The following WDR4 variants were observed in gnomAD, a reference collection of about 807,000 sequenced individuals.
The protein encoded by WDR4 is WDR4 tRNA N7-guanosine methyltransferase non-catalytic subunit, also known as tRNA (guanine-N(7)-)-methyltransferase non-catalytic subunit WDR4.
A neutral mutation model predicts 48.6 loss-of-function variants in WDR4; 47 were observed. That is an observed-to-expected ratio of 0.97 (90% CI 0.77 to 1.23). WDR4 has a LOEUF of 1.23. Ranked by LOEUF, WDR4 falls within the 50% of genes most tolerant of loss-of-function variation. WDR4 has a pLI of 0.00. For synonymous variants in WDR4, 268 were observed against 230.0 expected (o/e 1.17, Z -1.49); for missense variants, 606 against 551.6 (o/e 1.10, Z -0.99).
the WDR4 span, among the ~76,000 whole-genome samples, chr21:42,885,629 T>C: frequency 6.6e-6 from 1 of 151,972 alleles, no homozygotes; most frequent in Admixed American, 6.6e-5. Context: ...TATAGATAGA[T>C]AGATATAAAT....
chr21:42,854,570 C>T lies in WDR4; in HGVS notation c.783G>A (p.Leu261=), dbSNP rs1341882007. Residue 261 remains leucine (L), a synonymous_variant, in exon 8 of 11, where the codon CTG becomes CTA. Transcript: ENST00000398208. ...FWCQENCVAL[L]CDGTPVVYIF... ...GTGCCGCCGCAGCTTACCCGTCGCA[C>T]AGGAGCGCCACGCAGTTCTCCTGGC... 3 of 1,613,620 alleles carry T rather than the reference C, an allele frequency of 1.9e-6. No individual in the cohort carries two copies. The highest frequency in any genetic ancestry group is 1.1e-5 in the South Asian group (1 of 90,988).
chr21:42,872,992 T>C (rs929285776), intron 3 of WDR4, among the ~76,000 whole-genome samples: 1 of 152,158 alleles, frequency 6.6e-6, no homozygotes, highest in Non-Finnish European at 1.5e-5. Flanking sequence ...CGGACTTTGC[T>C]AAGTAAGAGG....
At chr21:42,845,056 G>C (rs2057699011), downstream of WDR4, among the ~76,000 whole-genome samples, 1 of 152,204 alleles carries the variant, frequency 6.6e-6, no homozygotes, top group Non-Finnish European at 1.5e-5. Flanking sequence ...GGGTGCACTG[G>C]GCACGGAGAG....
the WDR4 span, among the ~76,000 whole-genome samples, chr21:42,889,171 C>T: frequency 1.3e-4 from 20 of 151,780 alleles, no homozygotes; most frequent in Admixed American, 1.1e-3. Context: ...TTAGTAGAGA[C>T]GGGGTTTCAC....
upstream of WDR4, among the ~76,000 whole-genome samples, chr21:42,883,377 T>G (rs1208600778): frequency 6.9e-6 from 1 of 145,520 alleles, no homozygotes; most frequent in African/African-American, 2.5e-5. Context: ...GTCCTTCAGT[T>G]AAAAAAAAAA....
intron 8 of WDR4, 140 bp from the exon 9 acceptor site, chr21:42,853,892 C>T: frequency 1.1e-6 from 1 of 935,576 alleles, no homozygotes; most frequent in Non-Finnish European, 1.6e-6. Context: ...TGCGCCACTC[C>T]CAAATGCCGG....
chr21:42,848,145 C>G (rs767005369), downstream of WDR4, among the ~76,000 whole-genome samples: 1 of 152,178 alleles, frequency 6.6e-6, no homozygotes, highest in Non-Finnish European at 1.5e-5. Flanking sequence ...TTCTGAGTAC[C>G]CAGCGATACC....
intron 6 of WDR4, among the ~76,000 whole-genome samples, chr21:42,857,871 G>T (rs187663605): frequency 6.6e-6 from 1 of 152,082 alleles, no homozygotes; most frequent in African/African-American, 2.4e-5. Context: ...TGGGTGGATC[G>T]CTTGAGGTCA....
rs530476358 is a variant in WDR4, at chr21:42,850,193, G to T, written c.1095C>A (p.Phe365Leu). The change falls in exon 11 of 11, where the codon TTC (phenylalanine) becomes TTA (leucine). Residue 365 changes from phenylalanine to leucine, a missense_variant. Coordinates refer to ENST00000398208, the MANE Select transcript of WDR4 (RefSeq NM_018669.6). ...TCTTCAGGTAGGAGGTCACGTTGTC[G>T]AACGTGGCCTTGTAGAGACTGCTGA... is the stretch of plus-strand genomic sequence containing the variant. ...ASFSSLYKAT[F>L]DNVTSYLKKK... The T allele has an allele frequency of 6.2e-7, 1 of 1,613,774 alleles. No individual in the cohort carries two copies. Among genetic ancestry groups the T allele is most frequent in the East Asian group, 2.2e-5 (1 of 44,858 alleles).
At chr21:42,867,085 A>C (rs1277305251) in intron 3 of WDR4, among the ~76,000 whole-genome samples, 2 of 152,178 alleles carry the variant, frequency 1.3e-5, no homozygotes, top group African/African-American at 4.8e-5. Context: ...TATACTGCTG[A>C]CATCACTTTC....
At chr21:42,861,431 C>T (rs1372509100) in intron 5 of WDR4, among the ~76,000 whole-genome samples, 2 of 151,896 alleles carry the variant, frequency 1.3e-5, no homozygotes, top group African/African-American at 4.9e-5. Flanking sequence ...AGTGATGAAG[C>T]ATTTCCCTAG....
chr21:42,891,047 G>A, the WDR4 span, among the ~76,000 whole-genome samples: 1 of 152,180 alleles, frequency 6.6e-6, no homozygotes, highest in African/African-American at 2.4e-5. Context: ...AGATGGCTAA[G>A]CATAGTGGCT....
At chr21:42,878,964 C>T in intron 1 of WDR4, 1 of 993,538 alleles carries the variant, frequency 1.0e-6, no homozygotes, top group African/African-American at 1.7e-5. Context: ...TCAGTGAGCT[C>T]GCAGTGAGTA....
intron 5 of WDR4, among the ~76,000 whole-genome samples, chr21:42,860,665 A>G (rs372107507): frequency 1.2e-4 from 19 of 152,280 alleles, no homozygotes; most frequent in East Asian, 5.8e-4. Flanking sequence ...CAGATAGGGC[A>G]CAGGACGCCC....
At chr21:42,865,117 C>T (rs893491862) in intron 3 of WDR4, among the ~76,000 whole-genome samples, 1 of 152,216 alleles carries the variant, frequency 6.6e-6, no homozygotes, top group Non-Finnish European at 1.5e-5. Flanking sequence ...TTGGGCCACA[C>T]CCCAGGCTGG....
In WDR4 at chr21:42,853,754, T is replaced by A; in HGVS notation, c.792-2A>T. ...TGGAAGATGTAGACCACAGGAGTGC[T>A]TGCCACGAAGAAAGAGAGCATGATT... On this transcript the variant is annotated splice_acceptor_variant, in intron 8 of 10. Coordinates refer to ENST00000398208, the MANE Select transcript of WDR4 (RefSeq NM_018669.6). LOFTEE classifies it high-confidence loss of function. 1.9e-6 allele frequency: 3 copies of A among 1,550,742 alleles called. No homozygotes were observed. Among genetic ancestry groups the A allele is most frequent in the Non-Finnish European group, 2.6e-6 (3 of 1,147,396 alleles).
chr21:42,880,130 C>CT (rs2058595447), upstream of WDR4, among the ~76,000 whole-genome samples: 1 of 136,914 alleles, frequency 7.3e-6, no homozygotes, highest in African/African-American at 2.7e-5. Flanking sequence ...GACTCTCTCT[C>CT]AAAAAAAAAA....
At chr21:42,878,886 A>T in intron 1 of WDR4, 1 of 898,376 alleles carries the variant, frequency 1.1e-6, no homozygotes, top group Non-Finnish European at 1.3e-6. Context: ...AATTAAGGCC[A>T]GGTGAGTGGA....
At chr21:42,867,509 C>G (rs1225080437) in intron 3 of WDR4, among the ~76,000 whole-genome samples, 1 of 151,996 alleles carries the variant, frequency 6.6e-6, no homozygotes, top group Admixed American at 6.6e-5. Flanking sequence ...ATGCTCGGGA[C>G]GAAAAGTGCT....
Sources: allele counts gnomAD v4.1 joint callset (sites outside exome capture counted in the v4.1 genomes callset), GRCh38; gene constraint gnomAD v4.1.1; transcripts MANE v1.5; gene names NCBI Gene and HGNC (gene_info 2026-07-23, HGNC 2026-07-21).